The following NXPE4 variants were observed in gnomAD, a reference collection of about 807,000 sequenced individuals.
NXPE4 encodes NXPE family member 4.
A neutral mutation model predicts 33.3 loss-of-function variants in NXPE4; 42 were observed. The ratio of observed to expected loss-of-function variants is 1.26; its 90% CI spans 0.98 to 1.63. The LOEUF (loss-of-function observed/expected upper bound fraction) is 1.63, where lower values mean the gene tolerates loss of function less well. Ranked by LOEUF, NXPE4 falls within the 40% of genes most tolerant of loss-of-function variation. The pLI is 0.00. For synonymous variants in NXPE4, 253 were observed against 234.9 expected, an observed-to-expected ratio of 1.08 and a Z score of -0.71; for missense variants, 709 against 647.6, an observed-to-expected ratio of 1.09 and a Z score of -1.03.
At chr11:114,608,483 T>C in the NXPE4 span, among the ~76,000 whole-genome samples, 1 of 148,824 alleles carries the variant, frequency 6.7e-6, no homozygotes, top group African/African-American at 2.5e-5. Flanking sequence ...TTGTGGGTAA[T>C]CAATGTTACC....
the NXPE4 span, among the ~76,000 whole-genome samples, chr11:114,650,352 G>A: frequency 6.6e-6 from 1 of 152,172 alleles, no homozygotes; most frequent in East Asian, 1.9e-4. Flanking sequence ...CAGAAAAGAG[G>A]ATGTCACAAT....
the NXPE4 span, among the ~76,000 whole-genome samples, chr11:114,639,800 AAATATAAAAT>A: frequency 3.1e-4 from 18 of 57,576 alleles, no homozygotes; most frequent in East Asian, 1.0e-3. Flanking sequence ...ATATTATATT[AAATATAAAAT>A]AATATAAAAT....
At chr11:114,607,640 G>A in the NXPE4 span, among the ~76,000 whole-genome samples, 47 of 150,594 alleles carry the variant, frequency 3.1e-4, 1 homozygote, top group African/African-American at 1.0e-3. Flanking sequence ...GTGTTGCCTC[G>A]CGGTTAACCA....
intron 5 of NXPE4, among the ~76,000 whole-genome samples, chr11:114,573,292 C>T (rs1192601667): frequency 1.3e-5 from 2 of 151,768 alleles, no homozygotes; most frequent in Admixed American, 1.3e-4. Context: ...TGAAATAATG[C>T]AATGAAAAGA....
At chr11:114,629,552 A>C in the NXPE4 span, among the ~76,000 whole-genome samples, 3 of 151,876 alleles carry the variant, frequency 2.0e-5, no homozygotes, top group Admixed American at 2.0e-4. Flanking sequence ...TGACAAACCC[A>C]CAGCCAATAT....
chr11:114,671,507 C>G, the NXPE4 span, among the ~76,000 whole-genome samples: 4 of 151,880 alleles, frequency 2.6e-5, no homozygotes, highest in Non-Finnish European at 5.9e-5. Flanking sequence ...AAATGAAAGT[C>G]AAAGTCAAAT....
chr11:114,609,858 G>T, the NXPE4 span, among the ~76,000 whole-genome samples: 1 of 151,198 alleles, frequency 6.6e-6, no homozygotes, highest in Non-Finnish European at 1.5e-5. Flanking sequence ...CTATTGCCTC[G>T]CGGGTAACCA....
the NXPE4 span, among the ~76,000 whole-genome samples, chr11:114,660,945 TA>T: frequency 1.3e-5 from 2 of 152,164 alleles, no homozygotes; most frequent in African/African-American, 4.8e-5. Flanking sequence ...CCCCTTAATA[TA>T]AAGTTTTATT....
the NXPE4 span, among the ~76,000 whole-genome samples, chr11:114,654,087 A>T: frequency 6.6e-6 from 1 of 152,278 alleles, no homozygotes; most frequent in East Asian, 1.9e-4. Flanking sequence ...GGTATGTACA[A>T]AGAAGCAGGA....
At chr11:114,633,367 T>C in the NXPE4 span, among the ~76,000 whole-genome samples, 3 of 139,936 alleles carry the variant, frequency 2.1e-5, no homozygotes, top group Admixed American at 1.5e-4. Flanking sequence ...ATATACTATA[T>C]AATATATTAT....
chr11:114,647,432 A>C, the NXPE4 span, among the ~76,000 whole-genome samples: 1 of 152,170 alleles, frequency 6.6e-6, no homozygotes, highest in Non-Finnish European at 1.5e-5. Context: ...AAACTATCTA[A>C]ATCTATCTAG....
At chr11:114,650,897 TG>T in the NXPE4 span, among the ~76,000 whole-genome samples, 1 of 151,982 alleles carries the variant, frequency 6.6e-6, no homozygotes, top group African/African-American at 2.4e-5. Flanking sequence ...AAGCTGCAGC[TG>T]GTGGAGGGGC....
At chr11:114,644,826 A>T in the NXPE4 span, among the ~76,000 whole-genome samples, 376 of 141,508 alleles carry the variant, frequency 2.7e-3, 1 homozygote, top group African/African-American at 9.0e-3. Context: ...ATATCAATTT[A>T]AAAAAAAAAA....
At chr11:114,628,868 C>T in the NXPE4 span, among the ~76,000 whole-genome samples, 1 of 151,996 alleles carries the variant, frequency 6.6e-6, no homozygotes, top group East Asian at 1.9e-4. Context: ...GAAATACAAA[C>T]TACCATCAGA....
At chr11:114,606,097 G>A in the NXPE4 span, among the ~76,000 whole-genome samples, 2 of 151,692 alleles carry the variant, frequency 1.3e-5, no homozygotes, top group African/African-American at 4.9e-5. Context: ...TACCTCATGG[G>A]TAGCCACTGT....
At chr11:114,617,243 A>T in the NXPE4 span, among the ~76,000 whole-genome samples, 1 of 151,552 alleles carries the variant, frequency 6.6e-6, no homozygotes. Context: ...CTCGTGGGTA[A>T]CCACTGTTAC....
the NXPE4 span, among the ~76,000 whole-genome samples, chr11:114,663,015 A>T: frequency 2.0e-5 from 3 of 152,106 alleles, no homozygotes; most frequent in African/African-American, 7.2e-5. Flanking sequence ...TGATTCCAGC[A>T]CTTGTCTCTT....
the NXPE4 span, among the ~76,000 whole-genome samples, chr11:114,613,656 CCA>C: frequency 6.6e-6 from 1 of 151,768 alleles, no homozygotes; most frequent in Non-Finnish European, 1.5e-5. Context: ...CCTTTGGTAA[CCA>C]CAGTTACCCA....
chr11:114,582,392 G>A lies in NXPE4; in HGVS notation c.726C>T (p.Tyr242=). ...YLDNRDQEGF[Y]CVRPQHMPCA... is the part of the protein sequence containing the mutation. Reference sequence around the variant, plus strand: ...AGGGCATGTGTTGAGGCCTCACACAGTAGAAGCCTTCTTGGTCTCTGTTGT... The same window carrying A: ...AGGGCATGTGTTGAGGCCTCACACAATAGAAGCCTTCTTGGTCTCTGTTGT... The change falls in exon 3 of 6, where the codon TAC becomes TAT. Residue 242 remains tyrosine (Y), a synonymous_variant. Transcript: ENST00000375478. The A allele has an allele frequency of 6.2e-7, 1 of 1,614,206 alleles. No homozygotes were observed. Among genetic ancestry groups the A allele is most frequent in the Non-Finnish European group, 8.5e-7 (1 of 1,180,008 alleles).
Sources: gnomAD v4.1 joint callset for allele counts (sites outside exome capture counted in the v4.1 genomes callset) on GRCh38, gnomAD v4.1.1 for gene constraint, MANE v1.5 for transcripts, NCBI Gene and HGNC (gene_info 2026-07-23, HGNC 2026-07-21) for gene names.